Variants in DIPK1C observed in about 807,000 individuals in gnomAD.
The protein encoded by DIPK1C is familial non-conventional Alzheimer's dementia.
In DIPK1C, 33 loss-of-function variants were observed where a neutral mutation model predicts 28.0. That is an observed-to-expected ratio of 1.18 (90% CI 0.89 to 1.58). DIPK1C has a LOEUF of 1.58. Ranked by LOEUF, DIPK1C falls within the 40% of genes most tolerant of loss-of-function variation. The pLI is 0.00. For missense variants in DIPK1C, 569 were observed against 568.5 expected (o/e 1.00, Z -0.01); for synonymous variants, 255 against 248.8 (o/e 1.02, Z -0.23).
In DIPK1C at chr18:74,441,967, T is replaced by C. The variant is rs776084768; in HGVS notation, c.1026A>G (p.Val342=). The C allele has an allele frequency of 5.1e-5, 82 of 1,613,814 alleles. No individual in the cohort carries two copies. The highest frequency in any genetic ancestry group is 6.9e-5 in the Non-Finnish European group (81 of 1,179,844). ...LRVNKCGAQR[V]NNNLQVICDK... is the part of the protein sequence containing the mutation. Reference sequence around the variant, plus strand: ...ACTCTCATACCTGCAGGTTGTTGTTTACGCGCTGCGCTCCGCATTTGTTGA... The same window carrying C: ...ACTCTCATACCTGCAGGTTGTTGTTCACGCGCTGCGCTCCGCATTTGTTGA... The change falls in exon 3 of 4, where the codon GTA becomes GTG. Residue 342 remains valine, a synonymous_variant. Transcript: ENST00000343998.
At chr18:74,443,475 C>T (rs926616456) in intron 2 of DIPK1C, among the ~76,000 whole-genome samples, 7 of 152,166 alleles carry the variant, frequency 4.6e-5, no homozygotes, top group East Asian at 3.8e-4. Flanking sequence ...TTCAATTCTA[C>T]GCAGTCTGGG....
chr18:74,448,610 G>A (rs1260649717), intron 1 of DIPK1C, among the ~76,000 whole-genome samples: 3 of 152,118 alleles, frequency 2.0e-5, no homozygotes, highest in African/African-American at 7.2e-5. Flanking sequence ...TGATTGTACT[G>A]GCCAAGAGGG....
At chr18:74,446,293 T>G (rs1568263573) in intron 2 of DIPK1C, among the ~76,000 whole-genome samples, 1 of 152,066 alleles carries the variant, frequency 6.6e-6, no homozygotes, top group Non-Finnish European at 1.5e-5. Context: ...GCAGGAGAGG[T>G]TGCTGTTACG....
rs570221431 is a variant in DIPK1C, at chr18:74,448,207, A to G, written c.199-924T>C. Among the ~76,000 whole-genome samples the G allele has an allele frequency of 2.0e-5, 3 of 152,304 alleles. No individual in the cohort carries two copies. The East Asian group carries it at 5.8e-4, about 29-fold the overall frequency. On this transcript the variant is annotated intron_variant, in intron 1 of 3. Transcript: ENST00000343998. ...TCCTCTTCTCTCTTTTGTTTTTCAG[A>G]AAATCTAAACCATGGGACCACTTTG...
chr18:74,443,949 A>G (rs1015718436), intron 2 of DIPK1C, among the ~76,000 whole-genome samples: 1 of 152,070 alleles, frequency 6.6e-6, no homozygotes, highest in African/African-American at 2.4e-5. Flanking sequence ...TCTCCCAGGG[A>G]GAGCCAGGTT....
At chr18:74,444,180 G>A (rs1986209222) in intron 2 of DIPK1C, among the ~76,000 whole-genome samples, 2 of 152,172 alleles carry the variant, frequency 1.3e-5, no homozygotes, top group South Asian at 4.1e-4. Context: ...GAAGATGAAT[G>A]AGAATTATTT....
At chr18:74,436,770 A>C in intron 3 of DIPK1C, 51 bp from the exon 4 acceptor site, 1 of 1,485,782 alleles carries the variant, frequency 6.7e-7, no homozygotes, top group Admixed American at 2.1e-5. Context: ...ATCCTCCTAA[A>C]AGCTTCCCAA....
intron 3 of DIPK1C, among the ~76,000 whole-genome samples, chr18:74,437,168 GACA>G (rs1381117464): frequency 6.6e-6 from 1 of 152,200 alleles, no homozygotes; most frequent in Non-Finnish European, 1.5e-5. Flanking sequence ...TGGTCCTAGT[GACA>G]ACAATGACCA....
chr18:74,444,498 A>G (rs1183369341), intron 2 of DIPK1C, among the ~76,000 whole-genome samples: 4 of 152,204 alleles, frequency 2.6e-5, no homozygotes, highest in African/African-American at 7.2e-5. Context: ...TTAAGCACAT[A>G]TGAGAATCGA....
At chr18:74,457,001 A>G in intron 1 of DIPK1C, 61 bp downstream of exon 1, 1 of 1,342,372 alleles carries the variant, frequency 7.4e-7, no homozygotes, top group Non-Finnish European at 9.5e-7. Context: ...GGGGACCGGG[A>G]GCGGGTGTGA....
At chr18:74,461,335 C>T (rs1346714239), upstream of DIPK1C, among the ~76,000 whole-genome samples, 7 of 140,462 alleles carry the variant, frequency 5.0e-5, no homozygotes, top group Non-Finnish European at 1.1e-4. Context: ...TCTTTTCCTT[C>T]CTTCCTTCTT....
chr18:74,442,496 T>C (rs1325267977), intron 2 of DIPK1C, among the ~76,000 whole-genome samples: 1 of 151,154 alleles, frequency 6.6e-6, no homozygotes, highest in Non-Finnish European at 1.5e-5. Context: ...ACCCGGCTAA[T>C]TTTTTTGTAT....
chr18:74,440,984 G>A (rs1413806869), intron 3 of DIPK1C, among the ~76,000 whole-genome samples: 1 of 152,022 alleles, frequency 6.6e-6, no homozygotes, highest in African/African-American at 2.4e-5. Context: ...GGGTGGCAGA[G>A]TCGGGGTGTT....
intron 1 of DIPK1C, among the ~76,000 whole-genome samples, chr18:74,455,919 A>AT (rs1390290660): frequency 1.3e-5 from 2 of 152,124 alleles, no homozygotes; most frequent in African/African-American, 2.4e-5. Flanking sequence ...TACCTGGCTC[A>AT]TTTTTTTAAA....
rs569156810 is a variant in DIPK1C at position 74,434,801 on chromosome 18, G to C, written c.*1700C>G. 2.0e-5 allele frequency: 3 copies of C among 152,346 alleles called. No homozygotes were observed. The highest frequency in any genetic ancestry group is 7.2e-5 in the African/African-American group (3 of 41,570). 9.4% of individuals were successfully genotyped at this position (152,346 alleles called of 1,614,324 possible). ...GGCCGTTGAACTTTGGTTTTAATTT[G>C]CTCGTGCCACAGGGTGACTGACATG... is the stretch of plus-strand genomic sequence containing the variant. On this transcript the variant is annotated 3_prime_UTR_variant, in exon 4 of 4. Transcript: ENST00000343998.
chr18:74,449,901 T>TC (rs1270004346), intron 1 of DIPK1C, among the ~76,000 whole-genome samples: 1 of 152,206 alleles, frequency 6.6e-6, no homozygotes, highest in Non-Finnish European at 1.5e-5. Flanking sequence ...GGTCACTCTT[T>TC]CCCAGGCACG....
At chr18:74,441,472 A>G (rs1436503764) in intron 3 of DIPK1C, among the ~76,000 whole-genome samples, 1 of 152,122 alleles carries the variant, frequency 6.6e-6, no homozygotes, top group Non-Finnish European at 1.5e-5. Context: ...CTTGTAGCTG[A>G]TCTCCTGGAC....
chr18:74,455,529 G>A (rs1386445375), intron 1 of DIPK1C, among the ~76,000 whole-genome samples: 3 of 151,824 alleles, frequency 2.0e-5, no homozygotes, highest in Non-Finnish European at 2.9e-5. Flanking sequence ...GGTGGTTCAC[G>A]CCTGTAATCC....
At position 74,446,618 on chromosome 18, in the gene DIPK1C, C is replaced by A; in HGVS notation, c.864G>T (p.Arg288=). Residue 288 remains arginine, a synonymous_variant, in exon 2 of 4, where the codon CGG becomes CGT. Coordinates refer to ENST00000343998, the MANE Select transcript of DIPK1C (RefSeq NM_001044369.3). The part of the protein sequence containing the change: ...CDIKPENFAI[R]SDFTVVAIDV... ...CTGCGCCACTTACTGTGAAGTCGCT[C>A]CGGATGGCAAAGTTTTCCGGCTTGA... 6.8e-7 allele frequency: 1 copy of A among 1,460,792 alleles called. No homozygotes were observed. Among genetic ancestry groups the A allele is most frequent in the South Asian group, 1.4e-5 (1 of 69,348 alleles). The allele number at this position is 1,460,792 out of a possible 1,614,324, so 90.5% of individuals were successfully genotyped here. A position where few individuals can be genotyped will look rare whatever the true frequency, so the allele number is the denominator to read the frequency against.
Sources: allele counts gnomAD v4.1 joint callset (sites outside exome capture counted in the v4.1 genomes callset), GRCh38; gene constraint gnomAD v4.1.1; transcripts MANE v1.5; gene names NCBI Gene and HGNC (gene_info 2026-07-23, HGNC 2026-07-21).